ZBTB20: variants seen among roughly 807,000 people sequenced by gnomAD.
ZBTB20 encodes the protein zinc finger and BTB domain containing 20.
In ZBTB20, 9 loss-of-function variants were observed where a neutral mutation model predicts 56.9. That is an observed-to-expected ratio of 0.16 (90% CI 0.10 to 0.28). The LOEUF (loss-of-function observed/expected upper bound fraction) is 0.28, where lower values mean the gene tolerates loss of function less well. Ranked by LOEUF, ZBTB20 falls within the 10% of genes least tolerant of loss-of-function variation. ZBTB20 has a pLI of 1.00. For missense variants in ZBTB20, 655 were observed against 1,003.0 expected (o/e 0.65, Z 4.69); for synonymous variants, 417 against 420.7 (o/e 0.99, Z 0.11).
chr3:114,366,764 A>C (rs2082445045), intron 10 of ZBTB20: 1 of 152,212 alleles, frequency 6.6e-6, no homozygotes, highest in Non-Finnish European at 1.5e-5. Flanking sequence ...ATTACCAAAA[A>C]CCGTGGGCAC....
At chr3:114,857,677 G>C (rs1223866001) in intron 4 of ZBTB20, among the ~76,000 whole-genome samples, 1 of 152,194 alleles carries the variant, frequency 6.6e-6, no homozygotes, top group Non-Finnish European at 1.5e-5. Flanking sequence ...AAAAACTGCA[G>C]AACAGAGATG....
At position 114,363,189 on chromosome 3, in the gene ZBTB20, G is replaced by T. The variant is rs185200114; in HGVS notation, c.200-11311C>A. On this transcript the variant is annotated intron_variant, in intron 10 of 11. Coordinates refer to ENST00000675478, the MANE Select transcript of ZBTB20 (RefSeq NM_001348800.3). ...TATAACCAAGAGTAACTTATTCAGG[G>T]TCCAGACATGAATTTTAAAGGCTGT... Among the ~76,000 whole-genome samples, 3 of 152,212 alleles carry T rather than the reference G, an allele frequency of 2.0e-5. No homozygotes were observed. The East Asian group carries it at 5.8e-4, about 29-fold the overall frequency.
chr3:114,837,321 G>A (rs1243312814), intron 4 of ZBTB20, among the ~76,000 whole-genome samples: 1 of 152,102 alleles, frequency 6.6e-6, no homozygotes, highest in Non-Finnish European at 1.5e-5. Flanking sequence ...AATTCCATGA[G>A]GATGAGGTTC....
intron 4 of ZBTB20, among the ~76,000 whole-genome samples, chr3:114,871,208 CT>C (rs1445220640): frequency 6.6e-6 from 1 of 152,098 alleles, no homozygotes; most frequent in Admixed American, 6.6e-5. Flanking sequence ...CCCATCTCCC[CT>C]TTCTTTTAAT....
At chr3:114,839,561 A>G (rs2074295182) in intron 4 of ZBTB20, among the ~76,000 whole-genome samples, 1 of 152,186 alleles carries the variant, frequency 6.6e-6, no homozygotes, top group Non-Finnish European at 1.5e-5. Context: ...AATTTCTGCA[A>G]TATCCAGTGT....
intron 1 of ZBTB20, among the ~76,000 whole-genome samples, chr3:115,078,748 T>G (rs2082689981): frequency 6.6e-6 from 1 of 151,578 alleles, no homozygotes; most frequent in South Asian, 2.1e-4. Context: ...ACAACTAACA[T>G]TTTCTCAAAC....
chr3:115,140,262 A>G (rs896570359), intron 1 of ZBTB20, among the ~76,000 whole-genome samples: 4 of 152,092 alleles, frequency 2.6e-5, no homozygotes, highest in African/African-American at 9.7e-5. Flanking sequence ...GATTTTTGAC[A>G]ATGTATAACA....
intron 1 of ZBTB20, among the ~76,000 whole-genome samples, chr3:115,146,837 G>A (rs949918284): frequency 6.6e-6 from 1 of 152,216 alleles, no homozygotes; most frequent in African/African-American, 2.4e-5. Flanking sequence ...GGCGCAGGGA[G>A]TAGAGAGAAG....
chr3:114,933,970 G>T (rs548958514), intron 3 of ZBTB20, among the ~76,000 whole-genome samples: 2 of 152,244 alleles, frequency 1.3e-5, no homozygotes, highest in African/African-American at 4.8e-5. Context: ...ACTGCATTCA[G>T]AATCATCCTT....
At chr3:114,651,043 C>A (rs949942479) in intron 6 of ZBTB20, among the ~76,000 whole-genome samples, 5 of 152,000 alleles carry the variant, frequency 3.3e-5, no homozygotes, top group Non-Finnish European at 5.9e-5. Context: ...CAAAAGCATA[C>A]CACATGACTT....
intron 1 of ZBTB20, among the ~76,000 whole-genome samples, chr3:115,093,989 C>T (rs904364572): frequency 2.6e-5 from 4 of 152,034 alleles, no homozygotes; most frequent in Non-Finnish European, 4.4e-5. Flanking sequence ...AGTTTAGAAG[C>T]TTCAAAAGCA....
intron 6 of ZBTB20, among the ~76,000 whole-genome samples, chr3:114,565,905 C>A (rs546180691): frequency 3.3e-5 from 5 of 152,258 alleles, no homozygotes; most frequent in African/African-American, 1.2e-4. Flanking sequence ...TGAAAATTTG[C>A]TCTTACAGGG....
chr3:115,048,377 G>A (rs1244145790), intron 2 of ZBTB20, among the ~76,000 whole-genome samples: 1 of 152,094 alleles, frequency 6.6e-6, no homozygotes, highest in Non-Finnish European at 1.5e-5. Flanking sequence ...GACTCAGATA[G>A]AAAAGTTCCC....
chr3:114,951,866 C>G (rs539272747), intron 3 of ZBTB20, among the ~76,000 whole-genome samples: 1 of 152,056 alleles, frequency 6.6e-6, no homozygotes, highest in South Asian at 2.1e-4. Context: ...TTTAAATTTA[C>G]TATTCTAAAA....
At chr3:114,923,482 T>C (rs1270584297) in intron 3 of ZBTB20, among the ~76,000 whole-genome samples, 3 of 152,202 alleles carry the variant, frequency 2.0e-5, no homozygotes, top group African/African-American at 7.2e-5. Context: ...AAGGAAATTC[T>C]CTTCAATAAG....
intron 3 of ZBTB20, among the ~76,000 whole-genome samples, chr3:114,917,335 T>A (rs898096870): frequency 1.4e-4 from 22 of 152,348 alleles, no homozygotes; most frequent in African/African-American, 5.1e-4. Context: ...GGTCACGTTA[T>A]CTCTGTGTTT....
At chr3:115,018,062 C>T (rs185094336) in intron 2 of ZBTB20, among the ~76,000 whole-genome samples, 4 of 151,466 alleles carry the variant, frequency 2.6e-5, no homozygotes, top group East Asian at 2.0e-4. Context: ...TAAAGTTGCA[C>T]ATTGAATCAC....
Position 114,334,647 on chromosome 3 carries a change from CA to C in ZBTB20, c.*4357del, listed in dbSNP as rs1283767568. ...AAATAAAACCCTTATGACTTTTAAA[CA>C]CAGCAAACCCAAGTCTTTCTAAGGC... On this transcript the variant is annotated 3_prime_UTR_variant, in exon 12 of 12. Transcript: ENST00000675478. 1.7e-4 allele frequency: 26 copies of C among 152,138 alleles called. No individual in the cohort carries two copies. Among genetic ancestry groups the C allele is most frequent in the African/African-American group, 6.0e-4 (25 of 41,414 alleles). The allele number at this position is 152,138 out of a possible 1,614,324, so 9.4% of individuals were successfully genotyped here.
chr3:114,440,661 G>A (rs1180451735), intron 7 of ZBTB20, among the ~76,000 whole-genome samples: 2 of 152,118 alleles, frequency 1.3e-5, no homozygotes, highest in Admixed American at 6.6e-5. Context: ...GATAGATAAC[G>A]CTGGGACAGT....
Sources: gnomAD v4.1 joint callset for allele counts (sites outside exome capture counted in the v4.1 genomes callset) on GRCh38, gnomAD v4.1.1 for gene constraint, MANE v1.5 for transcripts, NCBI Gene and HGNC (gene_info 2026-07-23, HGNC 2026-07-21) for gene names.